NCKAP5: variants seen among roughly 807,000 people sequenced by gnomAD.
NCKAP5 encodes the protein NCK associated protein 5.
A neutral mutation model predicts 167.0 loss-of-function variants in NCKAP5; 92 were observed. The observed-to-expected ratio is 0.55, with a 90% CI of 0.47 to 0.66. The LOEUF is 0.66. Among genes scored for constraint, NCKAP5 ranks in the 30% least tolerant of loss-of-function variants. The pLI, the probability that NCKAP5 is intolerant of heterozygous loss-of-function variation, is 0.00. For synonymous variants in NCKAP5, 891 were observed against 877.4 expected (o/e 1.02, Z -0.27); for missense variants, 2,378 against 2,315.0 (o/e 1.03, Z -0.56).
chr2:132,872,803 T>C (rs1399748444), intron 9 of NCKAP5, among the ~76,000 whole-genome samples: 2 of 152,232 alleles, frequency 1.3e-5, no homozygotes, highest in African/African-American at 4.8e-5. Context: ...TGGTTGATTG[T>C]ACTGAGGCAG....
intron 11 of NCKAP5, among the ~76,000 whole-genome samples, chr2:132,797,767 G>A (rs941404087): frequency 6.6e-6 from 1 of 152,144 alleles, no homozygotes; most frequent in Non-Finnish European, 1.5e-5. Context: ...TGGTCACTCT[G>A]TCCCAGCATA....
intron 3 of NCKAP5, among the ~76,000 whole-genome samples, chr2:133,398,391 C>A (rs1427533236): frequency 6.6e-6 from 1 of 152,140 alleles, no homozygotes; most frequent in Non-Finnish European, 1.5e-5. Context: ...ATTAAACAAA[C>A]CTGCACGTTC....
intron 8 of NCKAP5, among the ~76,000 whole-genome samples, chr2:132,903,739 T>C (rs1158820429): frequency 1.3e-5 from 2 of 152,180 alleles, no homozygotes; most frequent in African/African-American, 2.4e-5. Context: ...TTAGGCAAGG[T>C]AGACTACTTG....
At chr2:133,414,987 T>C (rs1689017002) in intron 3 of NCKAP5, among the ~76,000 whole-genome samples, 1 of 152,190 alleles carries the variant, frequency 6.6e-6, no homozygotes, top group Admixed American at 6.5e-5. Context: ...CCCGCCCTAG[T>C]GTTGAACTTT....
chr2:132,795,688 G>A (rs1279426669), intron 12 of NCKAP5, among the ~76,000 whole-genome samples: 3 of 151,546 alleles, frequency 2.0e-5, no homozygotes, highest in Non-Finnish European at 2.9e-5. Flanking sequence ...GTGTGGCGGC[G>A]GGCGCCTATA....
intron 19 of NCKAP5, among the ~76,000 whole-genome samples, chr2:132,691,465 A>T (rs1686720020): frequency 6.6e-6 from 1 of 152,098 alleles, no homozygotes; most frequent in Non-Finnish European, 1.5e-5. Flanking sequence ...TGGTCCAGGG[A>T]CACGTCACAC....
intron 6 of NCKAP5, among the ~76,000 whole-genome samples, chr2:133,066,471 G>A (rs2080199394): frequency 2.0e-5 from 3 of 152,286 alleles, no homozygotes; most frequent in Non-Finnish European, 4.4e-5. Flanking sequence ...AACAGCCCAA[G>A]TAGAGAAATT....
At chr2:133,415,504 G>GC (rs1323405471) in intron 3 of NCKAP5, among the ~76,000 whole-genome samples, 1 of 152,230 alleles carries the variant, frequency 6.6e-6, no homozygotes, top group Non-Finnish European at 1.5e-5. Context: ...TGGCAGAGCA[G>GC]CTGCAGGCCC....
chr2:133,447,965 CT>C (rs1691309488), intron 3 of NCKAP5, among the ~76,000 whole-genome samples: 1 of 152,180 alleles, frequency 6.6e-6, no homozygotes, highest in Non-Finnish European at 1.5e-5. Flanking sequence ...ACCTCTACAG[CT>C]CTAAGCTCAC....
At chr2:133,618,577 G>A in the NCKAP5 span, among the ~76,000 whole-genome samples, 1 of 151,656 alleles carries the variant, frequency 6.6e-6, no homozygotes, top group African/African-American at 2.4e-5. Context: ...CTGGCCATCA[G>A]AGAAATGCAA....
At chr2:132,925,418 C>T (rs536067195) in intron 8 of NCKAP5, among the ~76,000 whole-genome samples, 6 of 151,630 alleles carry the variant, frequency 4.0e-5, no homozygotes, top group African/African-American at 1.2e-4. Flanking sequence ...AAAAATTAGC[C>T]GGGCATGGTG....
At chr2:133,511,888 G>C (rs1206438668) in intron 3 of NCKAP5, among the ~76,000 whole-genome samples, 4 of 152,162 alleles carry the variant, frequency 2.6e-5, no homozygotes, top group Admixed American at 6.5e-5. Flanking sequence ...CCAGTGGCCA[G>C]GGGCACAGGG....
At chr2:133,169,228 A>C (rs1395238654) in intron 5 of NCKAP5, among the ~76,000 whole-genome samples, 37 of 152,214 alleles carry the variant, frequency 2.4e-4, no homozygotes. Context: ...GGAGAGCAAC[A>C]TATCAAGTGC....
At chr2:132,691,731 A>G (rs1686756562) in intron 19 of NCKAP5, among the ~76,000 whole-genome samples, 2 of 152,268 alleles carry the variant, frequency 1.3e-5, no homozygotes, top group Non-Finnish European at 2.9e-5. Context: ...TTCCAACAAT[A>G]AGATAAACCC....
At chr2:132,827,015 G>A (rs1378722903) in intron 11 of NCKAP5, among the ~76,000 whole-genome samples, 2 of 152,114 alleles carry the variant, frequency 1.3e-5, no homozygotes, top group East Asian at 1.9e-4. Flanking sequence ...GCACTGATAC[G>A]TGAAAAGGGA....
chr2:133,144,948 G>T (rs1186877273), intron 5 of NCKAP5, among the ~76,000 whole-genome samples: 1 of 152,038 alleles, frequency 6.6e-6, no homozygotes, highest in East Asian at 1.9e-4. Context: ...CTCAACATTA[G>T]ATAATTTTGA....
chr2:133,224,570 TG>T (rs1350595065), intron 4 of NCKAP5, among the ~76,000 whole-genome samples: 1 of 152,228 alleles, frequency 6.6e-6, no homozygotes, highest in African/African-American at 2.4e-5. Context: ...TTTGTCCTTC[TG>T]GGTTTTCTCC....
intron 16 of NCKAP5, among the ~76,000 whole-genome samples, chr2:132,739,070 T>C (rs1315924653): frequency 6.6e-6 from 1 of 152,210 alleles, no homozygotes; most frequent in Admixed American, 6.5e-5. Flanking sequence ...ATCATCTTTA[T>C]AAATAGCTGC....
rs568591049 is a variant in NCKAP5 at position 133,153,770 on chromosome 2, G to A, written c.208-23659C>T. Among the ~76,000 whole-genome samples, 47 of 148,020 alleles carry A rather than the reference G, an allele frequency of 3.2e-4. No individual in the cohort carries two copies. The South Asian group carries it at 8.8e-3, about 28-fold the overall frequency. ...TTCCCCTCCCAACACACCCCTAATC[G>A]CCTTAGTTTAGCTGGTGAGTTCCTA... is the stretch of plus-strand genomic sequence containing the variant. On this transcript the variant is annotated intron_variant, in intron 5 of 19. Transcript: ENST00000409261.
Sources: allele counts gnomAD v4.1 joint callset (sites outside exome capture counted in the v4.1 genomes callset), GRCh38; gene constraint gnomAD v4.1.1; transcripts MANE v1.5; gene names NCBI Gene and HGNC (gene_info 2026-07-23, HGNC 2026-07-21).